The following ST8SIA2 variants were observed in gnomAD, a reference collection of about 807,000 sequenced individuals.
ST8SIA2 encodes the protein alpha-2,8-sialyltransferase 8B.
A neutral mutation model predicts 37.6 loss-of-function variants in ST8SIA2; 22 were observed. That is an observed-to-expected ratio of 0.58 (90% CI 0.42 to 0.83). The LOEUF is 0.83. Ranked by LOEUF, ST8SIA2 falls within the 40% of genes least tolerant of loss-of-function variation. The probability of loss-of-function intolerance (pLI) is 0.00; values close to 1 mark genes in which losing one functional copy is unlikely to be tolerated. For synonymous variants in ST8SIA2, 205 were observed against 201.2 expected, an observed-to-expected ratio of 1.02 and a Z score of -0.16; for missense variants, 382 against 484.7, an observed-to-expected ratio of 0.79 and a Z score of 1.99.
At chr15:92,460,708 C>T (rs2049951305) in intron 5 of ST8SIA2, among the ~76,000 whole-genome samples, 2 of 152,228 alleles carry the variant, frequency 1.3e-5, no homozygotes, top group Non-Finnish European at 2.9e-5. Flanking sequence ...AAGCAAAGGG[C>T]CGTGTGGGGT....
intron 1 of ST8SIA2, among the ~76,000 whole-genome samples, chr15:92,416,126 G>A (rs569840514): frequency 6.7e-6 from 1 of 149,632 alleles, no homozygotes; most frequent in Admixed American, 6.7e-5. Flanking sequence ...GCACATCGCA[G>A]ATAAGACGGA....
At chr15:92,446,691 T>C (rs1163125999) in intron 5 of ST8SIA2, among the ~76,000 whole-genome samples, 2 of 152,176 alleles carry the variant, frequency 1.3e-5, no homozygotes, top group African/African-American at 4.8e-5. Flanking sequence ...AATGGTGCTA[T>C]CAGGAAACTC....
At chr15:92,458,704 G>A (rs57188649) in intron 5 of ST8SIA2, among the ~76,000 whole-genome samples, 3,097 of 152,278 alleles carry the variant, frequency 0.02, 140 homozygotes, top group African/African-American at 0.07. Flanking sequence ...GCATAAGACT[G>A]GAGCCAGGGA....
intron 5 of ST8SIA2, among the ~76,000 whole-genome samples, chr15:92,459,754 A>T (rs140662962): frequency 4.8e-4 from 73 of 152,264 alleles, no homozygotes; most frequent in Middle Eastern, 6.8e-3. Context: ...GCATGCCTCC[A>T]CGCCCAACTA....
intron 1 of ST8SIA2, among the ~76,000 whole-genome samples, chr15:92,396,184 G>A (rs780896483): frequency 5.3e-5 from 8 of 152,098 alleles, no homozygotes; most frequent in African/African-American, 7.2e-5. Context: ...CTTGCCTCTC[G>A]TCCCAGGCTG....
At chr15:92,395,507 C>T (rs1407682129) in intron 1 of ST8SIA2, among the ~76,000 whole-genome samples, 3 of 152,192 alleles carry the variant, frequency 2.0e-5, no homozygotes, top group African/African-American at 7.2e-5. Context: ...CTCCGCTGGG[C>T]TTCCAGAACC....
intron 1 of ST8SIA2, among the ~76,000 whole-genome samples, chr15:92,398,350 A>G (rs1014448209): frequency 6.6e-6 from 1 of 152,218 alleles, no homozygotes; most frequent in African/African-American, 2.4e-5. Context: ...CAATGTCCTA[A>G]TCCTCATATT....
chr15:92,462,945 C>T (rs2049967599), intron 5 of ST8SIA2, among the ~76,000 whole-genome samples: 1 of 152,208 alleles, frequency 6.6e-6, no homozygotes, highest in African/African-American at 2.4e-5. Flanking sequence ...TGGATGTTTT[C>T]CCACTTTGGG....
intron 1 of ST8SIA2, among the ~76,000 whole-genome samples, chr15:92,426,516 C>G (rs1324554379): frequency 1.3e-5 from 2 of 152,080 alleles, no homozygotes; most frequent in African/African-American, 4.8e-5. Flanking sequence ...TTTGTAGTAT[C>G]CCAAATCAGC....
chr15:92,454,651 G>A (rs573204227), intron 5 of ST8SIA2, among the ~76,000 whole-genome samples: 15 of 151,780 alleles, frequency 9.9e-5, no homozygotes, highest in East Asian at 5.9e-4. Context: ...CTGCCCTTCC[G>A]CTCTCACCAG....
At chr15:92,407,921 A>G (rs1302266568) in intron 1 of ST8SIA2, among the ~76,000 whole-genome samples, 1 of 152,190 alleles carries the variant, frequency 6.6e-6, no homozygotes, top group African/African-American at 2.4e-5. Context: ...AATAAAGTCT[A>G]GTTAGCAAAA....
chr15:92,417,259 C>G (rs2141817192), intron 1 of ST8SIA2, among the ~76,000 whole-genome samples: 1 of 152,346 alleles, frequency 6.6e-6, no homozygotes, highest in African/African-American at 2.4e-5. Context: ...GACACCAAGG[C>G]TTCCTGAGTG....
chr15:92,406,302 G>A (rs1324934112), intron 1 of ST8SIA2, among the ~76,000 whole-genome samples: 1 of 152,124 alleles, frequency 6.6e-6, no homozygotes, highest in East Asian at 1.9e-4. Context: ...CCTGGGGCAG[G>A]GCCTGAGAAT....
intron 3 of ST8SIA2, among the ~76,000 whole-genome samples, chr15:92,436,842 C>G (rs1463566006): frequency 6.6e-6 from 1 of 152,198 alleles, no homozygotes; most frequent in Admixed American, 6.5e-5. Flanking sequence ...AGTGTTCTAG[C>G]TGCCCCCTGG....
chr15:92,400,934 T>C (rs573462963), intron 1 of ST8SIA2, among the ~76,000 whole-genome samples: 1 of 152,200 alleles, frequency 6.6e-6, no homozygotes, highest in African/African-American at 2.4e-5. Flanking sequence ...TGAGGTCAGG[T>C]CGGGATGTGT....
rs555026618 is a variant in ST8SIA2, at chr15:92,422,856, T to G, written c.99-7193T>G. 5.9e-5 allele frequency: 9 copies of G among 152,590 alleles called. No homozygotes were observed. In the South Asian group the frequency reaches 1.9e-3, roughly 32 times the overall value. 9.5% of individuals were successfully genotyped at this position (152,590 alleles called of 1,614,324 possible). On this transcript the variant is annotated intron_variant, in intron 1 of 5. Coordinates refer to ENST00000268164, the MANE Select transcript of ST8SIA2 (RefSeq NM_006011.4). ...TCAGCTGGTGGGACCTCTACTGCTATTCTAATCATCTGTGCTCAAGACTCT... is the reference window on the plus strand; with the variant it reads ...TCAGCTGGTGGGACCTCTACTGCTAGTCTAATCATCTGTGCTCAAGACTCT...
At chr15:92,449,788 C>T (rs899561589) in intron 5 of ST8SIA2, among the ~76,000 whole-genome samples, 1 of 152,120 alleles carries the variant, frequency 6.6e-6, no homozygotes, top group African/African-American at 2.4e-5. Context: ...TTGTTGGCCA[C>T]TTATTTGTCT....
intron 5 of ST8SIA2, among the ~76,000 whole-genome samples, chr15:92,446,201 A>G (rs998381244): frequency 1.3e-5 from 2 of 152,166 alleles, no homozygotes; most frequent in Non-Finnish European, 2.9e-5. Flanking sequence ...GCTGGGGTTG[A>G]CCATGCGTCT....
intron 3 of ST8SIA2, among the ~76,000 whole-genome samples, chr15:92,436,056 A>T (rs1567218778): frequency 6.6e-6 from 1 of 151,508 alleles, no homozygotes; most frequent in African/African-American, 2.4e-5. Context: ...CTGTGCTTCT[A>T]TCTTCTTCTC....
Sources: gnomAD v4.1 joint callset for allele counts (sites outside exome capture counted in the v4.1 genomes callset) on GRCh38, gnomAD v4.1.1 for gene constraint, MANE v1.5 for transcripts, NCBI Gene and HGNC (gene_info 2026-07-23, HGNC 2026-07-21) for gene names.